DNAH17: variants seen among roughly 807,000 people sequenced by gnomAD.
DNAH17 encodes the protein dynein axonemal heavy chain 17, also known as axonemal beta dynein heavy chain 17.
DNAH17 carries 376 observed loss-of-function variants against 485.6 expected under a neutral mutation model. The observed-to-expected ratio is 0.77, with a 90% CI of 0.71 to 0.84. The LOEUF is 0.84. Ranked by LOEUF, DNAH17 falls within the 40% of genes least tolerant of loss-of-function variation. The pLI, the probability that DNAH17 is intolerant of heterozygous loss-of-function variation, is 0.00. For missense variants in DNAH17, 6,370 were observed against 5,839.3 expected, an observed-to-expected ratio of 1.09 and a Z score of -2.96; for synonymous variants, 3,031 against 2,405.9, an observed-to-expected ratio of 1.26 and a Z score of -7.60.
At chr17:78,481,451 G>C (rs994339360) in intron 48 of DNAH17, among the ~76,000 whole-genome samples, 2 of 152,152 alleles carry the variant, frequency 1.3e-5, no homozygotes, top group African/African-American at 4.8e-5. Flanking sequence ...ATGCTCTCCA[G>C]AGAAATTTTG....
chr17:78,487,711 GAC>G (rs2089673371), intron 44 of DNAH17, among the ~76,000 whole-genome samples: 1 of 152,122 alleles, frequency 6.6e-6, no homozygotes, highest in African/African-American at 2.4e-5. Flanking sequence ...TTTTAGTAGA[GAC>G]AGGGTTTCGC....
Position 78,426,846 on chromosome 17 carries a change from G to A in DNAH17, c.12771+80C>T, listed in dbSNP as rs2086489066. 17 of 1,509,994 alleles carry A rather than the reference G, an allele frequency of 1.1e-5. No homozygotes were observed. In the South Asian group the frequency reaches 1.6e-4, roughly 14 times the overall value. 93.5% of individuals were successfully genotyped at this position (1,509,994 alleles called of 1,614,324 possible). A position where few individuals can be genotyped will look rare whatever the true frequency, so the allele number is the denominator to read the frequency against. On this transcript the variant is annotated intron_variant, in intron 78 of 80. Coordinates refer to ENST00000389840, the MANE Select transcript of DNAH17 (RefSeq NM_173628.4). ...CATGCTGATCCGGGGCCTGTGCTAG[G>A]CCTGGGTTGCCAGAGGCCTGGGTTT...
At chr17:78,507,432 CG>C in intron 28 of DNAH17, 25 bp downstream of exon 28, 1 of 1,613,322 alleles carries the variant, frequency 6.2e-7, no homozygotes, top group East Asian at 2.2e-5. Flanking sequence ...TTCTGAAGTG[CG>C]TGGGAACCAC....
In DNAH17 at chr17:78,495,910, G is replaced by A. The variant is rs767876365; in HGVS notation, c.5868C>T (p.Arg1956=). 5.3e-5 allele frequency: 85 copies of A among 1,613,734 alleles called. No individual in the cohort carries two copies. The highest frequency in any genetic ancestry group is 6.6e-5 in the Non-Finnish European group (78 of 1,179,832). The change falls in exon 38 of 81, where the codon CGC becomes CGT. Residue 1956 remains arginine (R), a synonymous_variant. Transcript: ENST00000389840. ...FITMNPGYAG[R]AELPENLKAL... ...CTTTTAGGTTCTCAGGCAGCTCCGCGCGTCCGGCGTACCCAGGGTTCATGG... is the reference window on the plus strand; with the variant it reads ...CTTTTAGGTTCTCAGGCAGCTCCGCACGTCCGGCGTACCCAGGGTTCATGG...
chr17:78,506,204 G>C (rs199683975), intron 30 of DNAH17, among the ~76,000 whole-genome samples: 1 of 143,402 alleles, frequency 7.0e-6, no homozygotes, highest in Admixed American at 7.2e-5. Context: ...GCAGTGGTGC[G>C]ATCTTGGCTC....
chr17:78,440,511 T>C (rs1568053800), intron 72 of DNAH17, among the ~76,000 whole-genome samples: 1 of 152,112 alleles, frequency 6.6e-6, no homozygotes, highest in Non-Finnish European at 1.5e-5. Flanking sequence ...CCGCCCACCC[T>C]GGCCTCCCAA....
At position 78,484,908 on chromosome 17, in the gene DNAH17, G is replaced by A. The variant is rs749739154; in HGVS notation, c.7609C>T (p.Pro2537Ser). 7 of 1,593,100 alleles carry A rather than the reference G, an allele frequency of 4.4e-6. No individual in the cohort carries two copies. Among genetic ancestry groups the A allele is most frequent in the Non-Finnish European group, 6.0e-6 (7 of 1,169,576 alleles). ...ATGTGCTGCCGGATGAGGGTGTGCGGGGCCACCGTCCCATACTTGTCCACC... is the reference window on the plus strand; with the variant it reads ...ATGTGCTGCCGGATGAGGGTGTGCGAGGCCACCGTCCCATACTTGTCCACC... ...PEVDKYGTVA[P>S]HTLIRQHMDH... The change falls in exon 48 of 81, where the codon CCG becomes TCG. Residue 2537 changes from proline to serine, a missense_variant. Physicochemically the swap from Pro to Ser is moderately conservative, Grantham distance 74. Coordinates refer to ENST00000389840, the MANE Select transcript of DNAH17 (RefSeq NM_173628.4).
At position 78,429,942 on chromosome 17, in the gene DNAH17, T is replaced by A. The variant is rs762152306; in HGVS notation, c.12226-642A>T. Among the ~76,000 whole-genome samples, 13 of 152,330 alleles carry A rather than the reference T, an allele frequency of 8.5e-5. No individual in the cohort carries two copies. The East Asian group carries it at 2.5e-3, about 29-fold the overall frequency. On this transcript the variant is annotated intron_variant, in intron 75 of 80. Coordinates refer to ENST00000389840, the MANE Select transcript of DNAH17 (RefSeq NM_173628.4). ...ATAGAGGGTTTGAGCAAGTGACTTA[T>A]CTGACCTAGGCTGCCCGGGCCTTAG...
intron 47 of DNAH17, chr17:78,485,241 G>T: frequency 1.5e-6 from 1 of 678,778 alleles, no homozygotes; most frequent in Non-Finnish European, 2.4e-6. Flanking sequence ...AGGCGAGGGT[G>T]GCAGGAACCT....
At chr17:78,478,081 AT>A (rs2089147057) in intron 51 of DNAH17, among the ~76,000 whole-genome samples, 1 of 92,350 alleles carries the variant, frequency 1.1e-5, no homozygotes, top group African/African-American at 3.7e-5. Flanking sequence ...CACCACCATC[AT>A]CACCATCACC....
chr17:78,570,181 A>T, intron 7 of DNAH17, 66 bp downstream of exon 7: 1 of 1,494,086 alleles, frequency 6.7e-7, no homozygotes, highest in South Asian at 1.3e-5. Flanking sequence ...GCAGGAAAAC[A>T]GTGAACCGGG....
chr17:78,447,985 A>G (rs1454412431), intron 69 of DNAH17, among the ~76,000 whole-genome samples: 2 of 152,128 alleles, frequency 1.3e-5, no homozygotes, highest in East Asian at 3.9e-4. Flanking sequence ...CAGCCTGACC[A>G]ACATGGAGAA....
intron 58 of DNAH17, among the ~76,000 whole-genome samples, chr17:78,461,321 C>G (rs550884802): frequency 6.6e-6 from 1 of 152,306 alleles, no homozygotes; most frequent in Admixed American, 6.5e-5. Flanking sequence ...TGGAGGAGCT[C>G]GGCCACGGGA....
intron 48 of DNAH17, 128 bp downstream of exon 48, chr17:78,484,740 C>CCCCCCTG (rs2089514923): frequency 3.0e-6 from 1 of 332,048 alleles, no homozygotes; most frequent in Non-Finnish European, 4.8e-6. Flanking sequence ...CGTTGCAGCA[C>CCCCCCTG]CCCCCCCACC....
In DNAH17 at chr17:78,499,125, A is replaced by G; in HGVS notation, c.5641-13T>C. 6.5e-7 allele frequency: 1 copy of G among 1,546,854 alleles called. No homozygotes were observed. The highest frequency in any genetic ancestry group is 8.7e-7 in the Non-Finnish European group (1 of 1,144,062). On this transcript the variant is annotated splice_polypyrimidine_tract_variant and intron_variant, in intron 36 of 80. Transcript: ENST00000389840. Reference sequence around the variant, plus strand: ...TATTTCCACAGGACTGGAAAGGGCGAGATGGAGAAAGGAAGAGCTGGGAGG... The same window carrying G: ...TATTTCCACAGGACTGGAAAGGGCGGGATGGAGAAAGGAAGAGCTGGGAGG...
At chr17:78,571,151 T>C in intron 5 of DNAH17, 118 bp from the exon 6 acceptor site, 1 of 1,269,802 alleles carries the variant, frequency 7.9e-7, no homozygotes, top group South Asian at 1.3e-5. Flanking sequence ...CTTTCTCAAG[T>C]GGAGGGGGCT....
chr17:78,555,358 T>C (rs1250901379), intron 14 of DNAH17, among the ~76,000 whole-genome samples: 2 of 151,982 alleles, frequency 1.3e-5, no homozygotes, highest in Admixed American at 1.3e-4. Flanking sequence ...TGCTCGTGAC[T>C]AAATCATGGT....
At chr17:78,450,190 G>C (rs1598468030) in intron 68 of DNAH17, 64 bp downstream of exon 68, 1 of 1,588,248 alleles carries the variant, frequency 6.3e-7, no homozygotes. Context: ...CAACAGGCCT[G>C]GCTGTGGAGC....
Position 78,458,592 on chromosome 17 carries a change from G to A in DNAH17, c.9950C>T (p.Thr3317Met), listed in dbSNP as rs779503611. The A allele has an allele frequency of 3.0e-5, 48 of 1,613,880 alleles. No individual in the cohort carries two copies. Among genetic ancestry groups the A allele is most frequent in the South Asian group, 2.2e-5 (2 of 91,088 alleles). ...KIKCQQEADA[T>M]NRVILLANRL... ...GTTCGCCAGTAAGATCACCCTGTTC[G>A]TGGCATCGGCCTCTTGCTGACACTT... The change falls in exon 62 of 81, where the codon ACG becomes ATG. Residue 3317 changes from threonine to methionine, a missense_variant. Coordinates refer to ENST00000389840, the MANE Select transcript of DNAH17 (RefSeq NM_173628.4).
Sources: gnomAD v4.1 joint callset for allele counts (sites outside exome capture counted in the v4.1 genomes callset) on GRCh38, gnomAD v4.1.1 for gene constraint, MANE v1.5 for transcripts, NCBI Gene and HGNC (gene_info 2026-07-23, HGNC 2026-07-21) for gene names.